Variants in LRRC4C observed in about 807,000 individuals in gnomAD.
The protein encoded by LRRC4C is leucine-rich repeat-containing protein 4C.
A neutral mutation model predicts 33.6 loss-of-function variants in LRRC4C; 5 were observed. The observed-to-expected ratio is 0.15, with a 90% CI of 0.08 to 0.31. The LOEUF (loss-of-function observed/expected upper bound fraction) is 0.31, where lower values mean the gene tolerates loss of function less well. LRRC4C is among the 10% of genes least tolerant of loss of function. The pLI is 1.00. For missense variants in LRRC4C, 560 were observed against 796.7 expected, an observed-to-expected ratio of 0.70 and a Z score of 3.58; for synonymous variants, 329 against 302.0, an observed-to-expected ratio of 1.09 and a Z score of -0.93.
At chr11:40,201,280 C>T (rs1351049396) in intron 5 of LRRC4C, among the ~76,000 whole-genome samples, 1 of 152,182 alleles carries the variant, frequency 6.6e-6, no homozygotes, top group Admixed American at 6.5e-5. Context: ...GATATTTCAT[C>T]AATCTATGGA....
chr11:40,220,125 G>A (rs560559214), intron 5 of LRRC4C, among the ~76,000 whole-genome samples: 38 of 152,200 alleles, frequency 2.5e-4, no homozygotes, highest in African/African-American at 9.1e-4. Flanking sequence ...TATTTCACCA[G>A]GCTATTTATT....
rs545895042 is a variant in LRRC4C, at chr11:40,634,557, T to A, written c.-270+13585A>T. 5.3e-5 allele frequency among the ~76,000 whole-genome samples: 8 copies of A among 152,284 alleles called. No individual in the cohort carries two copies. In the South Asian group the frequency reaches 1.7e-3, roughly 32 times the overall value. On this transcript the variant is annotated intron_variant, in intron 3 of 6. Transcript: ENST00000528697. ...CAACTAAGATGTTCGTACTAACATTTAGACATAATTTACTTTAAAAATAAA... is the reference window on the plus strand; with the variant it reads ...CAACTAAGATGTTCGTACTAACATTAAGACATAATTTACTTTAAAAATAAA...
At chr11:41,436,020 A>T (rs1225101865) in intron 1 of LRRC4C, among the ~76,000 whole-genome samples, 1 of 152,176 alleles carries the variant, frequency 6.6e-6, no homozygotes, top group Non-Finnish European at 1.5e-5. Flanking sequence ...CCTGGCCAAT[A>T]TGGTGAAACC....
At chr11:40,728,332 G>A (rs916601221) in intron 2 of LRRC4C, among the ~76,000 whole-genome samples, 7 of 151,926 alleles carry the variant, frequency 4.6e-5, no homozygotes, top group Non-Finnish European at 8.8e-5. Flanking sequence ...TTGGCCGGGC[G>A]CAGTGGCTCA....
intron 2 of LRRC4C, among the ~76,000 whole-genome samples, chr11:40,915,047 G>T (rs1447883462): frequency 2.0e-5 from 3 of 152,154 alleles, no homozygotes; most frequent in African/African-American, 7.2e-5. Context: ...AATAAAAGAG[G>T]ATATAAACAA....
chr11:40,494,529 T>C (rs1954327922), intron 3 of LRRC4C, among the ~76,000 whole-genome samples: 2 of 152,198 alleles, frequency 1.3e-5, no homozygotes, highest in South Asian at 2.1e-4. Flanking sequence ...ATCTCATTTA[T>C]GCAATGGTAT....
chr11:41,328,673 T>C (rs1206811299), intron 1 of LRRC4C, among the ~76,000 whole-genome samples: 1 of 152,222 alleles, frequency 6.6e-6, no homozygotes, highest in Non-Finnish European at 1.5e-5. Context: ...TAGGGTGTTT[T>C]CTAACCACCA....
At chr11:40,220,393 C>T (rs967814937) in intron 5 of LRRC4C, among the ~76,000 whole-genome samples, 1 of 152,120 alleles carries the variant, frequency 6.6e-6, no homozygotes, top group African/African-American at 2.4e-5. Context: ...TAATGGCCAT[C>T]AGTCAATCTA....
chr11:40,766,975 T>C (rs957561107), intron 2 of LRRC4C, among the ~76,000 whole-genome samples: 1 of 151,796 alleles, frequency 6.6e-6, no homozygotes, highest in Admixed American at 6.6e-5. Flanking sequence ...TTACCAATTA[T>C]AGCATTGAAT....
intron 4 of LRRC4C, among the ~76,000 whole-genome samples, chr11:40,288,643 A>G (rs1329201294): frequency 6.6e-6 from 1 of 152,200 alleles, no homozygotes; most frequent in African/African-American, 2.4e-5. Flanking sequence ...ACGTGTAAAC[A>G]ATGACGTGTG....
At chr11:41,233,646 A>C (rs1947897806) in intron 1 of LRRC4C, among the ~76,000 whole-genome samples, 1 of 152,180 alleles carries the variant, frequency 6.6e-6, no homozygotes, top group East Asian at 1.9e-4. Context: ...ATTTAAATTT[A>C]TCTTCAATAG....
intron 1 of LRRC4C, among the ~76,000 whole-genome samples, chr11:40,979,592 A>G (rs917572634): frequency 2.6e-5 from 4 of 152,314 alleles, no homozygotes; most frequent in South Asian, 2.1e-4. Flanking sequence ...GATTTTAGGT[A>G]CCGTCAATGT....
intron 1 of LRRC4C, among the ~76,000 whole-genome samples, chr11:41,407,749 T>G (rs556495525): frequency 6.6e-6 from 1 of 152,312 alleles, no homozygotes; most frequent in East Asian, 1.9e-4. Context: ...CTATAGTGTC[T>G]TGGTACGATT....
chr11:40,951,237 A>G (rs985574190), intron 1 of LRRC4C, among the ~76,000 whole-genome samples: 30 of 151,982 alleles, frequency 2.0e-4, no homozygotes, highest in African/African-American at 7.2e-4. Flanking sequence ...ATTAAAAGCT[A>G]TAAAAGAAGA....
chr11:41,441,783 A>T (rs1314147457), intron 1 of LRRC4C, among the ~76,000 whole-genome samples: 2 of 152,132 alleles, frequency 1.3e-5, no homozygotes, highest in African/African-American at 4.8e-5. Context: ...CAGAACTATG[A>T]CCTACAATTT....
At chr11:41,314,813 A>G (rs1437109163) in intron 1 of LRRC4C, among the ~76,000 whole-genome samples, 4 of 152,272 alleles carry the variant, frequency 2.6e-5, no homozygotes, top group Non-Finnish European at 5.9e-5. Flanking sequence ...AAAAAAAACT[A>G]TAAGTAAAGA....
At chr11:41,433,203 T>C (rs1396336995) in intron 1 of LRRC4C, among the ~76,000 whole-genome samples, 1 of 152,170 alleles carries the variant, frequency 6.6e-6, no homozygotes, top group Non-Finnish European at 1.5e-5. Context: ...TGTCCTGGTA[T>C]TATTTGCTTA....
intron 4 of LRRC4C, among the ~76,000 whole-genome samples, chr11:40,257,887 T>C (rs1036624880): frequency 6.6e-6 from 1 of 152,150 alleles, no homozygotes; most frequent in African/African-American, 2.4e-5. Flanking sequence ...TCCCTGAACT[T>C]CTTGTTCTAT....
At chr11:40,846,148 AGTTT>A (rs745744253) in intron 2 of LRRC4C, among the ~76,000 whole-genome samples, 3 of 151,612 alleles carry the variant, frequency 2.0e-5, no homozygotes, top group African/African-American at 4.9e-5. Context: ...CTCTGATGAT[AGTTT>A]CTTTTGCTGT....
Sources: allele counts gnomAD v4.1 joint callset (sites outside exome capture counted in the v4.1 genomes callset), GRCh38; gene constraint gnomAD v4.1.1; transcripts MANE v1.5; gene names NCBI Gene and HGNC (gene_info 2026-07-23, HGNC 2026-07-21).